The following PCDH15 variants were observed in gnomAD, a reference collection of about 807,000 sequenced individuals.
PCDH15 encodes protocadherin-15.
Under a neutral mutation model 178.5 loss-of-function variants are expected in PCDH15, and 129 were observed. The observed-to-expected ratio is 0.72, with a 90% CI of 0.63 to 0.84. The LOEUF is 0.84. PCDH15 is among the 40% of genes least tolerant of loss of function. The pLI, the probability that PCDH15 is intolerant of heterozygous loss-of-function variation, is 0.00. For synonymous variants in PCDH15, 800 were observed against 732.0 expected (o/e 1.09, Z -1.50); for missense variants, 2,230 against 2,099.9 (o/e 1.06, Z -1.21).
chr10:54,483,079 A>G (rs977820109), intron 3 of PCDH15, among the ~76,000 whole-genome samples: 1 of 151,882 alleles, frequency 6.6e-6, no homozygotes, highest in Non-Finnish European at 1.5e-5. Flanking sequence ...TAATGATCAC[A>G]AATGATTCTG....
chr10:55,104,144 C>T (rs1367759093), intron 2 of PCDH15, among the ~76,000 whole-genome samples: 4 of 151,998 alleles, frequency 2.6e-5, no homozygotes, highest in South Asian at 2.1e-4. Context: ...AACTTTCTGC[C>T]CGAAATTCTG....
At chr10:53,922,710 T>C (rs1203798442) in intron 25 of PCDH15, among the ~76,000 whole-genome samples, 2 of 152,166 alleles carry the variant, frequency 1.3e-5, no homozygotes, top group Non-Finnish European at 1.5e-5. Flanking sequence ...ATTTATGAAA[T>C]ATCATCAAAT....
intron 14 of PCDH15, among the ~76,000 whole-genome samples, chr10:54,136,762 A>G (rs1281370711): frequency 1.3e-5 from 2 of 152,184 alleles, no homozygotes; most frequent in Admixed American, 6.5e-5. Context: ...CAAAACACAG[A>G]GACAAATTTT....
chr10:55,210,056 T>C (rs1347585761), intron 1 of PCDH15, among the ~76,000 whole-genome samples: 2 of 151,524 alleles, frequency 1.3e-5, no homozygotes, highest in Non-Finnish European at 2.9e-5. Flanking sequence ...AAAGCTATCA[T>C]AGAAGCCAAA....
At chr10:54,891,955 G>A (rs1564608635) in intron 3 of PCDH15, among the ~76,000 whole-genome samples, 1 of 152,026 alleles carries the variant, frequency 6.6e-6, no homozygotes, top group South Asian at 2.1e-4. Context: ...GGGGAACAAG[G>A]AATGTCATAT....
chr10:54,649,646 T>C (rs1460556524), intron 2 of PCDH15, among the ~76,000 whole-genome samples: 1 of 152,076 alleles, frequency 6.6e-6, no homozygotes, highest in Non-Finnish European at 1.5e-5. Context: ...CACATATACA[T>C]GTGTGTGTAT....
chr10:53,916,862 A>T (rs1460782737), intron 25 of PCDH15, among the ~76,000 whole-genome samples: 9 of 152,158 alleles, frequency 5.9e-5, no homozygotes, highest in Admixed American at 5.9e-4. Context: ...TTACTATTTC[A>T]TATATGCCTC....
rs376892916 is a variant in PCDH15 at position 54,722,410 on chromosome 10, C to CTT, written c.-28-58122_-28-58121dup. On this transcript the variant is annotated intron_variant, in intron 1 of 37. Coordinates refer to ENST00000644397, the MANE Select transcript of PCDH15 (RefSeq NM_001384140.1). Reference sequence around the variant, plus strand: ...ATTCTTCTGGGAATTTCTCTTATCTCTTGGTTAATTTAACTAGCAGTCAAT... The same window carrying CTT: ...ATTCTTCTGGGAATTTCTCTTATCTCTTTTGGTTAATTTAACTAGCAGTCAAT... Among the ~76,000 whole-genome samples the CTT allele has an allele frequency of 9.9e-4, 150 of 151,772 alleles. 1 individual carries two copies. The highest frequency in any genetic ancestry group is 3.5e-3 in the African/African-American group (145 of 41,474).
At position 55,281,506 on chromosome 10, in the gene PCDH15, TTTCTA is replaced by T. The variant is rs1842733150; in HGVS notation, c.-156+38088_-156+38092del. 2.0e-5 allele frequency among the ~76,000 whole-genome samples: 3 copies of T among 152,178 alleles called. No homozygotes were observed. In the South Asian group the frequency reaches 6.2e-4, roughly 32 times the overall value. On this transcript the variant is annotated intron_variant, in intron 1 of 5. Transcript: ENST00000458638. Reference sequence around the variant, plus strand: ...CTTTTTCTTTCTTTGTCACTGGCTATTTCTATTCATTTTCATAAGCAGATTCCGCC... The same window carrying T: ...CTTTTTCTTTCTTTGTCACTGGCTATTTCATTTTCATAAGCAGATTCCGCC...
At chr10:54,684,919 A>C (rs981923957) in intron 1 of PCDH15, among the ~76,000 whole-genome samples, 2 of 151,990 alleles carry the variant, frequency 1.3e-5, no homozygotes, top group African/African-American at 4.8e-5. Flanking sequence ...GTTTTTAATA[A>C]AATTTTTAAT....
chr10:55,500,399 T>A (rs1052366041), intron 2 of PCDH15, among the ~76,000 whole-genome samples: 3 of 151,798 alleles, frequency 2.0e-5, no homozygotes, highest in Admixed American at 6.6e-5. Context: ...CATGAGGCAG[T>A]CAGAGGGCTA....
intron 1 of PCDH15, among the ~76,000 whole-genome samples, chr10:55,224,800 A>T (rs1417604176): frequency 6.6e-6 from 1 of 151,892 alleles, no homozygotes. Flanking sequence ...CTTACAACTC[A>T]TCTCACACTC....
In PCDH15 at chr10:53,822,852, A is replaced by G; in HGVS notation, c.4368-2622T>C. 6.2e-7 allele frequency: 1 copy of G among 1,614,110 alleles called. No individual in the cohort carries two copies. Among genetic ancestry groups the G allele is most frequent in the Non-Finnish European group, 8.5e-7 (1 of 1,179,976 alleles). On this transcript the variant is annotated intron_variant, in intron 32 of 37. Transcript: ENST00000644397. ...CAAATTTGCCTCTTCAGTTGTAAGC[A>G]ATGGATTGCTGCTACCTCTTTTGTT... is the stretch of plus-strand genomic sequence containing the variant.
chr10:53,863,590 T>C (rs1322133950), intron 27 of PCDH15, among the ~76,000 whole-genome samples: 4 of 141,650 alleles, frequency 2.8e-5, no homozygotes, highest in Non-Finnish European at 6.4e-5. Flanking sequence ...AAATCTAACA[T>C]AGAATTTTGC....
At chr10:54,410,235 T>C (rs1206477837) in intron 3 of PCDH15, among the ~76,000 whole-genome samples, 1 of 152,160 alleles carries the variant, frequency 6.6e-6, no homozygotes, top group Non-Finnish European at 1.5e-5. Context: ...GTTTTCTGCT[T>C]GCATATCTAG....
At chr10:55,256,290 A>G (rs1008443412) in intron 1 of PCDH15, among the ~76,000 whole-genome samples, 1 of 152,156 alleles carries the variant, frequency 6.6e-6, no homozygotes, top group Non-Finnish European at 1.5e-5. Flanking sequence ...TACAGCTCCC[A>G]GTGTGAGCGA....
At chr10:53,937,629 T>C (rs2085691157) in intron 25 of PCDH15, among the ~76,000 whole-genome samples, 1 of 152,194 alleles carries the variant, frequency 6.6e-6, no homozygotes, top group African/African-American at 2.4e-5. Flanking sequence ...GATTTGGTTG[T>C]ATCTCTACAA....
At chr10:54,465,890 C>T (rs535934262) in intron 3 of PCDH15, among the ~76,000 whole-genome samples, 2 of 152,074 alleles carry the variant, frequency 1.3e-5, no homozygotes, top group South Asian at 2.1e-4. Flanking sequence ...TTCTCCACAT[C>T]CTCCCCAGCA....
chr10:54,798,095 C>T (rs999381001), intron 1 of PCDH15, among the ~76,000 whole-genome samples: 8 of 152,086 alleles, frequency 5.3e-5, no homozygotes, highest in African/African-American at 1.2e-4. Flanking sequence ...TTTAAATAAA[C>T]GTTACAGTTT....
Sources: allele counts gnomAD v4.1 joint callset (sites outside exome capture counted in the v4.1 genomes callset), GRCh38; gene constraint gnomAD v4.1.1; transcripts MANE v1.5; gene names NCBI Gene and HGNC (gene_info 2026-07-23, HGNC 2026-07-21).